The following DAB1 variants were observed in gnomAD, a reference collection of about 807,000 sequenced individuals.
The protein encoded by DAB1 is disabled homolog 1.
In DAB1, 15 loss-of-function variants were observed where a neutral mutation model predicts 64.6. The ratio of observed to expected loss-of-function variants is 0.23; its 90% CI spans 0.16 to 0.36. The LOEUF (loss-of-function observed/expected upper bound fraction) is 0.36. Ranked by LOEUF, DAB1 falls within the 10% of genes least tolerant of loss-of-function variation. The pLI, the probability that DAB1 is intolerant of heterozygous loss-of-function variation, is 1.00. For synonymous variants in DAB1, 235 were observed against 251.9 expected, an observed-to-expected ratio of 0.93 and a Z score of 0.64; for missense variants, 596 against 706.7, an observed-to-expected ratio of 0.84 and a Z score of 1.78.
intron 6 of DAB1, among the ~76,000 whole-genome samples, chr1:57,707,565 G>A (rs1375139745): frequency 3.3e-5 from 5 of 152,138 alleles, no homozygotes; most frequent in South Asian, 4.2e-4. Context: ...TGAGTTGTAT[G>A]GTAAGTGTTT....
chr1:58,018,785 C>T (rs1016907488), intron 5 of DAB1, among the ~76,000 whole-genome samples: 3 of 152,116 alleles, frequency 2.0e-5, no homozygotes, highest in African/African-American at 7.2e-5. Context: ...CAAGTCTTCC[C>T]TGAAAAACTC....
At chr1:57,192,048 TG>T (rs1664178944) in intron 2 of DAB1, among the ~76,000 whole-genome samples, 1 of 152,128 alleles carries the variant, frequency 6.6e-6, no homozygotes, top group African/African-American at 2.4e-5. Flanking sequence ...CTGGGCACGA[TG>T]GCTCACACCT....
chr1:58,025,729 ACC>A (rs1646885053), intron 5 of DAB1, among the ~76,000 whole-genome samples: 1 of 145,150 alleles, frequency 6.9e-6, no homozygotes, highest in Admixed American at 7.1e-5. Context: ...TTTGAATTCA[ACC>A]CTGATCATAT....
chr1:57,907,562 G>T (rs1644571562), intron 5 of DAB1, among the ~76,000 whole-genome samples: 1 of 152,134 alleles, frequency 6.6e-6, no homozygotes, highest in South Asian at 2.1e-4. Context: ...TGTATTAGCT[G>T]TCAACGACCC....
At chr1:57,531,252 G>T (rs1267766990) in intron 7 of DAB1, among the ~76,000 whole-genome samples, 1 of 151,956 alleles carries the variant, frequency 6.6e-6, no homozygotes, top group Admixed American at 6.6e-5. Context: ...CCTTCTCCTG[G>T]CTCAGAAGCT....
chr1:57,668,902 A>G (rs1646478630), intron 6 of DAB1, among the ~76,000 whole-genome samples: 1 of 152,120 alleles, frequency 6.6e-6, no homozygotes, highest in Non-Finnish European at 1.5e-5. Flanking sequence ...TATGATCTTA[A>G]ACATTTACAT....
chr1:57,426,890 G>A (rs544077588), upstream of DAB1, among the ~76,000 whole-genome samples: 6 of 127,880 alleles, frequency 4.7e-5, no homozygotes, highest in East Asian at 2.0e-4. Flanking sequence ...TTGAGACAGC[G>A]TCTGGCTCTG....
chr1:57,055,896 TTACA>T (rs903234912), intron 9 of DAB1, among the ~76,000 whole-genome samples: 26 of 152,298 alleles, frequency 1.7e-4, no homozygotes, highest in African/African-American at 6.3e-4. Flanking sequence ...CTCTAGGATC[TTACA>T]AAGAAGTAGG....
At chr1:57,936,348 C>T (rs1457512763) in intron 5 of DAB1, among the ~76,000 whole-genome samples, 2 of 152,232 alleles carry the variant, frequency 1.3e-5, no homozygotes, top group South Asian at 2.1e-4. Flanking sequence ...GGTTCCAACC[C>T]GTCTTCCTGG....
intron 7 of DAB1, among the ~76,000 whole-genome samples, chr1:57,468,313 A>T (rs1558408469): frequency 6.6e-6 from 1 of 152,308 alleles, no homozygotes; most frequent in Non-Finnish European, 1.5e-5. Flanking sequence ...CAACTTCGAG[A>T]GAGAATTCTA....
intron 6 of DAB1, among the ~76,000 whole-genome samples, chr1:57,662,409 T>C (rs1165338864): frequency 6.6e-6 from 1 of 152,154 alleles, no homozygotes. Context: ...TTGGTCAGGC[T>C]GGTCTCGAAC....
chr1:58,350,215 A>G (rs1644038556), intron 3 of DAB1, among the ~76,000 whole-genome samples: 1 of 152,122 alleles, frequency 6.6e-6, no homozygotes, highest in Non-Finnish European at 1.5e-5. Context: ...AGTGATGATG[A>G]TCTTTTTTTC....
At chr1:57,842,128 A>T (rs1653080194) in intron 1 of DAB1, among the ~76,000 whole-genome samples, 1 of 152,206 alleles carries the variant, frequency 6.6e-6, no homozygotes, top group Admixed American at 6.5e-5. Context: ...ACCCTAAATC[A>T]TCTCTCTCAA....
intron 7 of DAB1, among the ~76,000 whole-genome samples, chr1:57,602,276 C>T (rs1172950213): frequency 6.6e-6 from 1 of 152,178 alleles, no homozygotes; most frequent in Non-Finnish European, 1.5e-5. Context: ...TACCTATGCT[C>T]ACCCTTTAAA....
intron 6 of DAB1, among the ~76,000 whole-genome samples, chr1:57,682,642 C>A (rs1056727369): frequency 1.3e-5 from 2 of 151,964 alleles, no homozygotes; most frequent in East Asian, 3.9e-4. Context: ...CACAGGGGAC[C>A]CTGTGTCCCC....
chr1:57,563,851 C>T (rs1353668958), intron 7 of DAB1, among the ~76,000 whole-genome samples: 1 of 152,198 alleles, frequency 6.6e-6, no homozygotes, highest in Non-Finnish European at 1.5e-5. Context: ...TCTGTAGACT[C>T]CATCTCTGGG....
At chr1:57,095,563 T>C (rs1339440010) in intron 4 of DAB1, among the ~76,000 whole-genome samples, 1 of 152,224 alleles carries the variant, frequency 6.6e-6, no homozygotes, top group Non-Finnish European at 1.5e-5. Context: ...GGGTTGACGA[T>C]TAACGGCATC....
At position 57,259,592 on chromosome 1, in the gene DAB1, C is replaced by T. The variant is rs61765658; in HGVS notation, c.67+31372G>A. 7.6e-3 allele frequency among the ~76,000 whole-genome samples: 1,160 copies of T among 152,164 alleles called. 30 individuals are homozygous for T. In the East Asian group the frequency reaches 0.08, roughly 10 times the overall value. ...GAGGCCCTGCTGATTCCTAGTTAGC[C>T]GAGGCAAGGCAGAGCAACGTGAGAT... On this transcript the variant is annotated intron_variant, in intron 2 of 14. Transcript: ENST00000371236.
chr1:58,057,790 C>T (rs1475618703), intron 5 of DAB1, among the ~76,000 whole-genome samples: 2 of 152,122 alleles, frequency 1.3e-5, no homozygotes, highest in African/African-American at 2.4e-5. Context: ...AATACATATA[C>T]CCACCAACTC....
Sources: gnomAD v4.1 joint callset for allele counts (sites outside exome capture counted in the v4.1 genomes callset) on GRCh38, gnomAD v4.1.1 for gene constraint, MANE v1.5 for transcripts, NCBI Gene and HGNC (gene_info 2026-07-23, HGNC 2026-07-21) for gene names.